CPAMD8: variants seen among roughly 807,000 people sequenced by gnomAD.
CPAMD8 encodes the protein C3 and PZP-like alpha-2-macroglobulin domain-containing protein 8.
A neutral mutation model predicts 224.7 loss-of-function variants in CPAMD8; 146 were observed. The ratio of observed to expected loss-of-function variants is 0.65; its 90% CI spans 0.57 to 0.75. CPAMD8 has a LOEUF of 0.75. Ranked by LOEUF, CPAMD8 falls within the 30% of genes least tolerant of loss-of-function variation. The pLI is 0.00. For missense variants in CPAMD8, 2,301 were observed against 2,537.5 expected (o/e 0.91, Z 2.00); for synonymous variants, 966 against 1,044.6 (o/e 0.92, Z 1.45).
intron 3 of CPAMD8, among the ~76,000 whole-genome samples, chr19:17,018,421 G>C (rs75059701): frequency 0.013 from 2,019 of 152,248 alleles, 37 homozygotes; most frequent in African/African-American, 0.047. Flanking sequence ...TCCATGAACA[G>C]GTACTGCTGT....
chr19:16,985,459 G>T (rs2055685478), intron 13 of CPAMD8, among the ~76,000 whole-genome samples: 1 of 151,218 alleles, frequency 6.6e-6, no homozygotes, highest in Non-Finnish European at 1.5e-5. Flanking sequence ...TAGATGGATG[G>T]ATGGATGGAT....
chr19:16,956,054 T>C (rs2054463489), intron 19 of CPAMD8, among the ~76,000 whole-genome samples: 1 of 152,124 alleles, frequency 6.6e-6, no homozygotes, highest in African/African-American at 2.4e-5. Flanking sequence ...TGGTCTCAGA[T>C]CTGTCCCCTC....
intron 35 of CPAMD8, among the ~76,000 whole-genome samples, chr19:16,901,798 G>A (rs1050230301): frequency 7.2e-5 from 11 of 152,204 alleles, no homozygotes; most frequent in Admixed American, 2.6e-4. Flanking sequence ...CCTATAGGGC[G>A]TTGGGGACAA....
At chr19:16,957,936 A>G (rs769698514) in intron 18 of CPAMD8, 21 bp from the exon 19 acceptor site, 2 of 1,606,738 alleles carry the variant, frequency 1.2e-6, no homozygotes, top group South Asian at 2.2e-5. Flanking sequence ...AAAAAAAGAA[A>G]CGATTAAGGT....
chr19:16,951,871 A>G (rs1177544247), intron 20 of CPAMD8, 98 bp downstream of exon 20: 2 of 766,234 alleles, frequency 2.6e-6, no homozygotes, highest in African/African-American at 3.6e-5. Flanking sequence ...TAAATCCCCC[A>G]AGCTGACACT....
chr19:16,989,742 A>G lies in CPAMD8; in HGVS notation c.1296T>C (p.Pro432=), dbSNP rs1973093. The G allele has an allele frequency of 0.49, 793,025 of 1,613,178 alleles. 200,727 individuals are homozygous for G. The highest frequency in any genetic ancestry group is 0.8 in the African/African-American group (60,109 of 74,962). ...ETKVMALNGK[P]VGAQYLPSYL... is the part of the protein sequence containing the mutation. ...AGCTGGGCAGGTACTGAGCCCCCAC[A>G]GGCTTCCCGTTCAGTGCCATCACCT... The change falls in exon 13 of 42, where the codon CCT becomes CCC. Residue 432 remains proline (P), a synonymous_variant. Coordinates refer to ENST00000443236, the MANE Select transcript of CPAMD8 (RefSeq NM_015692.5).
Position 16,896,318 on chromosome 19 carries a change from GC to G in CPAMD8, c.5283del (p.Leu1762CysfsTer25), listed in dbSNP as rs777606093. On this transcript the variant is annotated frameshift_variant, in exon 41 of 42. Transcript: ENST00000443236. LOFTEE classifies it high-confidence loss of function. ...APPSCCALEQ[R>X]LPASSSSTYG... ...TAGGTGGAGGACGACGAGGCCGGCA[GC>G]CGCTGCTCTGGAAGGAAGGGGGCCT... 1.2e-6 allele frequency: 2 copies of G among 1,607,664 alleles called. No individual in the cohort carries two copies. The highest frequency in any genetic ancestry group is 1.7e-6 in the Non-Finnish European group (2 of 1,177,334).
At position 16,906,982 on chromosome 19, in the gene CPAMD8, G is replaced by A. The variant is rs757640318; in HGVS notation, c.3997C>T (p.Arg1333Cys). The change falls in exon 30 of 42, where the codon CGC (arginine) becomes TGC (cysteine). Residue 1333 changes from arginine to cysteine, a missense_variant. Arg to Cys is a radical substitution (Grantham distance 180). This residue lies in a region of CPAMD8 where 1,709 missense variants were observed against 1,753.2 expected (regional missense o/e 0.97). Transcript: ENST00000443236. ...LRSPAAPEAL[R>C]KLRSLAIMRD... The stretch of plus-strand genomic sequence containing the variant: ...ATGATGGCCAGGCTACGGAGCTTGC[G>A]CAGTGCCTCAGGGGCTGCCGGGCTG... 1.1e-5 allele frequency: 17 copies of A among 1,597,134 alleles called. No individual in the cohort carries two copies. The highest frequency in any genetic ancestry group is 1.6e-4 in the Middle Eastern group (1 of 6,070).
At chr19:16,909,548 AG>A (rs1483227919) in intron 29 of CPAMD8, among the ~76,000 whole-genome samples, 1 of 152,010 alleles carries the variant, frequency 6.6e-6, no homozygotes, top group Non-Finnish European at 1.5e-5. Context: ...CATCTCAAAA[AG>A]GGAAAACAAA....
chr19:16,940,503 TATC>T (rs997152478), intron 22 of CPAMD8, among the ~76,000 whole-genome samples: 2 of 152,196 alleles, frequency 1.3e-5, no homozygotes, highest in African/African-American at 4.8e-5. Flanking sequence ...GTGACGGGGT[TATC>T]ATGCTTCAGA....
rs1001030443 is a variant in CPAMD8, at chr19:16,902,837, G to T, written c.4497C>A (p.Asp1499Glu). ...MQIDVTYNVP[D>E]PVAKPAFQLL... Reference sequence around the variant, plus strand: ...GCTGGAAAGCTGGCTTGGCCACCGGGTCAGGCACATTGTAGGTGACATCAA... The same window carrying T: ...GCTGGAAAGCTGGCTTGGCCACCGGTTCAGGCACATTGTAGGTGACATCAA... The change falls in exon 35 of 42, where the codon GAC becomes GAA. Residue 1499 changes from aspartate to glutamate, a missense_variant. This residue lies in a region of CPAMD8 where 1,709 missense variants were observed against 1,753.2 expected (regional missense o/e 0.97). Coordinates refer to ENST00000443236, the MANE Select transcript of CPAMD8 (RefSeq NM_015692.5). The T allele has an allele frequency of 6.4e-7, 1 of 1,552,580 alleles. No homozygotes were observed. The highest frequency in any genetic ancestry group is 1.9e-5 in the Admixed American group (1 of 53,410).
chr19:16,931,467 CCAA>C (rs1372576459), intron 23 of CPAMD8, among the ~76,000 whole-genome samples: 1 of 152,226 alleles, frequency 6.6e-6, no homozygotes, highest in African/African-American at 2.4e-5. Flanking sequence ...ACAGCCACCA[CCAA>C]CACCAGAGCA....
intron 17 of CPAMD8, among the ~76,000 whole-genome samples, chr19:16,972,974 G>T (rs2055117321): frequency 6.6e-6 from 1 of 152,150 alleles, no homozygotes; most frequent in South Asian, 2.1e-4. Flanking sequence ...TTCAAGACTA[G>T]CCTGGGTGAC....
At chr19:16,988,661 C>T (rs2055830431) in intron 13 of CPAMD8, among the ~76,000 whole-genome samples, 1 of 152,020 alleles carries the variant, frequency 6.6e-6, no homozygotes, top group African/African-American at 2.4e-5. Flanking sequence ...GTAATGCATG[C>T]ATGCATTCTG....
At position 16,939,825 on chromosome 19, in the gene CPAMD8, A is replaced by G. The variant is rs147295874; in HGVS notation, c.2794-1379T>C. Among the ~76,000 whole-genome samples the G allele has an allele frequency of 4.6e-5, 7 of 152,038 alleles. No individual in the cohort carries two copies. The East Asian group carries it at 1.3e-3, about 29-fold the overall frequency. ...CTGGAATCTACACCATTGGTTCTCC[A>G]GCTCTCAGGCCTTCCAGCTACACCA... On this transcript the variant is annotated intron_variant, in intron 22 of 41. Coordinates refer to ENST00000443236, the MANE Select transcript of CPAMD8 (RefSeq NM_015692.5).
chr19:16,996,001 T>A (rs554215544), intron 11 of CPAMD8, among the ~76,000 whole-genome samples: 52 of 151,698 alleles, frequency 3.4e-4, no homozygotes, highest in African/African-American at 1.3e-3. Flanking sequence ...AATACAAAAA[T>A]TAGTGGGGTA....
At chr19:16,906,407 T>TTTCTTTCTTTCTTTCC (rs1196710399) in intron 30 of CPAMD8, among the ~76,000 whole-genome samples, 12 of 69,880 alleles carry the variant, frequency 1.7e-4, no homozygotes, top group East Asian at 7.2e-4. Context: ...TCTTTCTTTC[T>TTTCTTTCTTTCTTTCC]TTCCTTCCTT....
chr19:16,909,678 A>G (rs2144797557), intron 29 of CPAMD8, among the ~76,000 whole-genome samples: 1 of 151,720 alleles, frequency 6.6e-6, no homozygotes, highest in South Asian at 2.1e-4. Context: ...CGGGAGGCAG[A>G]GGTTGCAGTG....
intron 13 of CPAMD8, among the ~76,000 whole-genome samples, chr19:16,983,793 T>C (rs2055605019): frequency 6.6e-6 from 1 of 152,208 alleles, no homozygotes; most frequent in Non-Finnish European, 1.5e-5. Flanking sequence ...GATCATAGTC[T>C]TGTAAGATGT....
Sources: gnomAD v4.1 joint callset for allele counts (sites outside exome capture counted in the v4.1 genomes callset) on GRCh38, gnomAD v4.1.1 for gene constraint, gnomAD v4.1.1 regional missense constraint, MANE v1.5 for transcripts, NCBI Gene and HGNC (gene_info 2026-07-23, HGNC 2026-07-21) for gene names.